The following L3MBTL4 variants were observed in gnomAD, a reference collection of about 807,000 sequenced individuals.
L3MBTL4 encodes the protein L3MBTL histone methyl-lysine binding protein 4, also known as lethal(3)malignant brain tumor-like protein 4.
A neutral mutation model predicts 84.5 loss-of-function variants in L3MBTL4; 70 were observed. The ratio of observed to expected loss-of-function variants is 0.83; its 90% CI spans 0.68 to 1.01. L3MBTL4 has a LOEUF of 1.01. Ranked by LOEUF, L3MBTL4 falls within the 50% of genes least tolerant of loss-of-function variation. The probability of loss-of-function intolerance (pLI) is 0.00; values close to 1 mark genes in which losing one functional copy is unlikely to be tolerated. For missense variants in L3MBTL4, 715 were observed against 754.8 expected (o/e 0.95, Z 0.62); for synonymous variants, 274 against 259.8 (o/e 1.05, Z -0.52).
At chr18:6,194,463 A>G (rs1489807847) in intron 12 of L3MBTL4, among the ~76,000 whole-genome samples, 2 of 152,234 alleles carry the variant, frequency 1.3e-5, no homozygotes, top group Non-Finnish European at 2.9e-5. Flanking sequence ...TCAGTAAAGC[A>G]TCAACTAAGG....
At chr18:6,201,563 G>A (rs1478215124) in intron 12 of L3MBTL4, among the ~76,000 whole-genome samples, 1 of 152,144 alleles carries the variant, frequency 6.6e-6, no homozygotes, top group African/African-American at 2.4e-5. Flanking sequence ...CTAGCCACAA[G>A]ATTAAATTTT....
chr18:5,957,848 A>G (rs1351435927), intron 18 of L3MBTL4, among the ~76,000 whole-genome samples: 4 of 151,616 alleles, frequency 2.6e-5, no homozygotes, highest in Admixed American at 2.6e-4. Context: ...ATGCGCCTGT[A>G]GTCCCAGCTA....
intron 10 of L3MBTL4, among the ~76,000 whole-genome samples, chr18:6,226,170 G>A (rs961910881): frequency 6.6e-6 from 1 of 152,172 alleles, no homozygotes; most frequent in Non-Finnish European, 1.5e-5. Flanking sequence ...ACTTTCGGAG[G>A]CAGAGGCAGG....
intron 1 of L3MBTL4, among the ~76,000 whole-genome samples, chr18:6,369,794 C>A (rs1478102123): frequency 6.6e-6 from 1 of 152,096 alleles, no homozygotes; most frequent in South Asian, 2.1e-4. Flanking sequence ...GCAAAGTAAC[C>A]AGCAGTTTCT....
intron 16 of L3MBTL4, among the ~76,000 whole-genome samples, chr18:6,044,301 C>T (rs1256563262): frequency 6.6e-6 from 1 of 152,154 alleles, no homozygotes; most frequent in Non-Finnish European, 1.5e-5. Flanking sequence ...AAAGTGAAAA[C>T]ACGTCGATGA....
chr18:6,065,104 G>T (rs2057357412), intron 16 of L3MBTL4, among the ~76,000 whole-genome samples: 1 of 151,946 alleles, frequency 6.6e-6, no homozygotes, highest in Non-Finnish European at 1.5e-5. Flanking sequence ...CTATTGAGAT[G>T]ATCATATGGT....
intron 1 of L3MBTL4, among the ~76,000 whole-genome samples, chr18:6,318,989 A>C (rs2147032349): frequency 6.6e-6 from 1 of 152,292 alleles, no homozygotes; most frequent in East Asian, 1.9e-4. Flanking sequence ...CCTCAAAGCT[A>C]TATAAATACA....
At chr18:6,020,276 T>C (rs996714532) in intron 16 of L3MBTL4, among the ~76,000 whole-genome samples, 20 of 151,824 alleles carry the variant, frequency 1.3e-4, no homozygotes, top group African/African-American at 4.8e-4. Flanking sequence ...GAGGGCTGGC[T>C]GTGATATAGT....
intron 13 of L3MBTL4, among the ~76,000 whole-genome samples, chr18:6,160,311 T>C (rs1478669870): frequency 1.3e-5 from 2 of 152,184 alleles, no homozygotes; most frequent in South Asian, 2.1e-4. Context: ...GTCAGGAGTG[T>C]TCGGAGTCAG....
chr18:5,999,090 C>T (rs986740446), intron 16 of L3MBTL4, among the ~76,000 whole-genome samples: 3 of 152,328 alleles, frequency 2.0e-5, no homozygotes, highest in Admixed American at 2.0e-4. Context: ...GTCCCACCTA[C>T]TGCCTCACCA....
chr18:6,301,341 T>A (rs943141071), intron 4 of L3MBTL4, among the ~76,000 whole-genome samples: 12 of 152,310 alleles, frequency 7.9e-5, no homozygotes, highest in Admixed American at 6.5e-4. Flanking sequence ...TGTGTAGCAA[T>A]AATCATAAAA....
chr18:5,979,982 G>A (rs1040476510), intron 16 of L3MBTL4, among the ~76,000 whole-genome samples: 6 of 152,146 alleles, frequency 3.9e-5, no homozygotes, highest in African/African-American at 1.2e-4. Context: ...TCGCCTCCAG[G>A]GGCCACACTC....
chr18:6,130,252 C>T (rs1038932776), intron 14 of L3MBTL4, among the ~76,000 whole-genome samples: 13 of 150,248 alleles, frequency 8.7e-5, no homozygotes, highest in African/African-American at 2.7e-4. Context: ...ACTGACACCC[C>T]CCACCCGCCA....
At chr18:6,034,413 T>A (rs1319924291) in intron 16 of L3MBTL4, among the ~76,000 whole-genome samples, 1 of 152,196 alleles carries the variant, frequency 6.6e-6, no homozygotes, top group African/African-American at 2.4e-5. Flanking sequence ...TTTTTTGTTC[T>A]TGTGATAGTT....
intron 1 of L3MBTL4, among the ~76,000 whole-genome samples, chr18:6,365,070 T>A (rs988517201): frequency 9.9e-5 from 15 of 152,274 alleles, no homozygotes; most frequent in African/African-American, 3.4e-4. Flanking sequence ...TGTATCTTTT[T>A]AAACTTAAGC....
At chr18:6,410,781 A>G (rs2055934345) in intron 1 of L3MBTL4, among the ~76,000 whole-genome samples, 1 of 152,232 alleles carries the variant, frequency 6.6e-6, no homozygotes, top group South Asian at 2.1e-4. Context: ...CCACACTTTT[A>G]TCATTTCACA....
chr18:6,256,078 G>C (rs1433103435), intron 5 of L3MBTL4, among the ~76,000 whole-genome samples: 1 of 152,214 alleles, frequency 6.6e-6, no homozygotes, highest in Non-Finnish European at 1.5e-5. Flanking sequence ...TGGCTGGAAA[G>C]CTTCTGGGTA....
At chr18:6,233,785 A>G (rs543821280) in intron 10 of L3MBTL4, among the ~76,000 whole-genome samples, 7 of 152,304 alleles carry the variant, frequency 4.6e-5, no homozygotes, top group Admixed American at 2.6e-4. Context: ...CAAGCTACCA[A>G]TGACTTTCTT....
At chr18:6,085,201 CAG>C (rs1488573938) in intron 15 of L3MBTL4, among the ~76,000 whole-genome samples, 1 of 152,062 alleles carries the variant, frequency 6.6e-6, no homozygotes, top group Non-Finnish European at 1.5e-5. Flanking sequence ...ATGTTTACTG[CAG>C]CATTATTTAC....
Sources: gnomAD v4.1 joint callset for allele counts (sites outside exome capture counted in the v4.1 genomes callset) on GRCh38, gnomAD v4.1.1 for gene constraint, MANE v1.5 for transcripts, NCBI Gene and HGNC (gene_info 2026-07-23, HGNC 2026-07-21) for gene names.